LINS1: variants seen among roughly 807,000 people sequenced by gnomAD.
LINS1 encodes protein Lines homolog 1.
A neutral mutation model predicts 41.6 loss-of-function variants in LINS1; 27 were observed. That is an observed-to-expected ratio of 0.65 (90% CI 0.48 to 0.89). The LOEUF is 0.89. Among genes scored for constraint, LINS1 ranks in the 40% least tolerant of loss-of-function variants. LINS1 has a pLI of 0.00. For missense variants in LINS1, 955 were observed against 884.1 expected, an observed-to-expected ratio of 1.08 and a Z score of -1.02; for synonymous variants, 336 against 312.9, an observed-to-expected ratio of 1.07 and a Z score of -0.78.
At chr15:100,575,472 A>G (rs537294838) in intron 3 of LINS1, among the ~76,000 whole-genome samples, 2 of 152,328 alleles carry the variant, frequency 1.3e-5, no homozygotes, top group Admixed American at 1.3e-4. Context: ...AAGAAGAGCT[A>G]ACTATCCTAA....
At chr15:100,579,112 C>T (rs1027361288) in intron 3 of LINS1, among the ~76,000 whole-genome samples, 1 of 151,838 alleles carries the variant, frequency 6.6e-6, no homozygotes, top group African/African-American at 2.4e-5. Flanking sequence ...CAACATGGCA[C>T]ATGTATACAT....
chr15:100,587,170 A>AAAC (rs1395247826), intron 1 of LINS1, among the ~76,000 whole-genome samples: 1 of 148,980 alleles, frequency 6.7e-6, no homozygotes, highest in Non-Finnish European at 1.5e-5. Context: ...AAAAAAAAAA[A>AAAC]AAAAAAAAAA....
At position 100,575,009 on chromosome 15, in the gene LINS1, T is replaced by TAAA; in HGVS notation, c.608_609insTTT (p.Lys203delinsAsnLeu). The TAAA allele has an allele frequency of 6.2e-7, 1 of 1,612,930 alleles. No homozygotes were observed. The highest frequency in any genetic ancestry group is 8.5e-7 in the Non-Finnish European group (1 of 1,179,560). On this transcript the variant is annotated protein_altering_variant, in exon 4 of 7. Coordinates refer to ENST00000314742, the MANE Select transcript of LINS1 (RefSeq NM_001040616.3). ...TACCTGTTTTCTGTGAACATGAATC[T>TAAA]TTAAAGATTTCTTTTATTATTGCTG...
chr15:100,598,889 C>T (rs1596978450), intron 1 of LINS1, among the ~76,000 whole-genome samples: 1 of 152,290 alleles, frequency 6.6e-6, no homozygotes, highest in South Asian at 2.1e-4. Context: ...TCTCCACCAC[C>T]AAGTGCTTTA....
intron 3 of LINS1, among the ~76,000 whole-genome samples, chr15:100,579,619 T>C (rs761162971): frequency 1.4e-4 from 21 of 152,188 alleles, no homozygotes; most frequent in Non-Finnish European, 2.5e-4. Flanking sequence ...GAAAAGTTAT[T>C]GAAAGAAGCA....
intron 6 of LINS1, among the ~76,000 whole-genome samples, chr15:100,571,680 G>A (rs1192749622): frequency 6.6e-6 from 1 of 152,180 alleles, no homozygotes; most frequent in Non-Finnish European, 1.5e-5. Context: ...TACCAATCTA[G>A]TTATACTACC....
rs547705881 is a variant in LINS1, at chr15:100,599,839, G to C, written c.-104+2282C>G. On this transcript the variant is annotated intron_variant, in intron 1 of 6. Coordinates refer to ENST00000314742, the MANE Select transcript of LINS1 (RefSeq NM_001040616.3). ...CCAGCACTCTGGGAGGCCGAGGCGGGTGGATCACCTGAGGTCAGAGGTTCG... is the reference window on the plus strand; with the variant it reads ...CCAGCACTCTGGGAGGCCGAGGCGGCTGGATCACCTGAGGTCAGAGGTTCG... Among the ~76,000 whole-genome samples, 10 of 152,274 alleles carry C rather than the reference G, an allele frequency of 6.6e-5. No individual in the cohort carries two copies. The East Asian group carries it at 1.9e-3, about 29-fold the overall frequency.
chr15:100,600,119 T>C (rs2039415957), intron 1 of LINS1, among the ~76,000 whole-genome samples: 1 of 152,212 alleles, frequency 6.6e-6, no homozygotes, highest in South Asian at 2.1e-4. Context: ...ATGGCTTTTA[T>C]TAGCAATTTA....
At chr15:100,570,211 T>G in intron 6 of LINS1, 94 bp from the exon 7 acceptor site, 1 of 1,038,988 alleles carries the variant, frequency 9.6e-7, no homozygotes, top group Non-Finnish European at 1.4e-6. Context: ...ATTAACCTAT[T>G]AGATTACTTT....
At chr15:100,591,569 T>C (rs1265761816) in intron 1 of LINS1, among the ~76,000 whole-genome samples, 1 of 152,222 alleles carries the variant, frequency 6.6e-6, no homozygotes, top group Non-Finnish European at 1.5e-5. Context: ...ATTAAGACGT[T>C]AAGGAAACAC....
At chr15:100,571,363 C>T (rs2037813072) in intron 6 of LINS1, among the ~76,000 whole-genome samples, 2 of 152,200 alleles carry the variant, frequency 1.3e-5, no homozygotes, top group South Asian at 4.1e-4. Context: ...AGATATTAAC[C>T]CAAGTACAGC....
chr15:100,601,176 A>C (rs1472864324), intron 1 of LINS1, among the ~76,000 whole-genome samples: 1 of 152,160 alleles, frequency 6.6e-6, no homozygotes, highest in Admixed American at 6.5e-5. Context: ...TTCCTCAGAG[A>C]CCTTTCCTAT....
At chr15:100,579,761 T>C (rs191945395) in intron 3 of LINS1, among the ~76,000 whole-genome samples, 10 of 152,330 alleles carry the variant, frequency 6.6e-5, no homozygotes, top group Admixed American at 2.6e-4. Context: ...AGAATTTACA[T>C]TAAACCTGTG....
intron 6 of LINS1, 101 bp from the exon 7 acceptor site, chr15:100,570,218 C>A: frequency 1.0e-6 from 1 of 966,322 alleles, no homozygotes; most frequent in Non-Finnish European, 1.5e-6. Context: ...TATTAGATTA[C>A]TTTTAAATCT....
At chr15:100,591,355 C>G (rs1420861413) in intron 1 of LINS1, among the ~76,000 whole-genome samples, 3 of 152,190 alleles carry the variant, frequency 2.0e-5, no homozygotes, top group Non-Finnish European at 4.4e-5. Flanking sequence ...ATGAATCATG[C>G]ACTGACACCA....
chr15:100,570,445 C>CT (rs2037760524), intron 6 of LINS1: 1 of 213,352 alleles, frequency 4.7e-6, no homozygotes, highest in African/African-American at 2.3e-5. Flanking sequence ...AAACCTCCTT[C>CT]CTTACCCTCA....
chr15:100,567,746 A>G lies in LINS1; in HGVS notation c.*1492T>C, dbSNP rs2037607854. On this transcript the variant is annotated 3_prime_UTR_variant, in exon 7 of 7. Coordinates refer to ENST00000314742, the MANE Select transcript of LINS1 (RefSeq NM_001040616.3). ...ATTACGGTAGAAACTGCCTTAACGC[A>G]TAGCCTCACCGACAGCATGTTAAAA... 1 of 152,240 alleles carries G rather than the reference A, an allele frequency of 6.6e-6. No individual in the cohort carries two copies. The highest frequency in any genetic ancestry group is 1.5e-5 in the Non-Finnish European group (1 of 68,046). 9.4% of individuals were successfully genotyped at this position (152,240 alleles called of 1,614,324 possible). A position where few individuals can be genotyped will look rare whatever the true frequency, so the allele number is the denominator to read the frequency against.
Position 100,572,876 on chromosome 15 carries a change from C to T in LINS1, c.1222+775G>A, listed in dbSNP as rs186253958. 1.0e-4 allele frequency: 78 copies of T among 744,398 alleles called. No homozygotes were observed. The Admixed American group carries it at 1.4e-3, about 14-fold the overall frequency. 46.1% of individuals were successfully genotyped at this position (744,398 alleles called of 1,614,324 possible). A position where few individuals can be genotyped will look rare whatever the true frequency, so the allele number is the denominator to read the frequency against. On this transcript the variant is annotated intron_variant, in intron 5 of 6. Coordinates refer to ENST00000314742, the MANE Select transcript of LINS1 (RefSeq NM_001040616.3). ...TCAATATCTAATTTTCAATAATCTA[C>T]ATTAGTGGAAACACTAATTGTATGA...
At chr15:100,590,953 C>A (rs969375134) in intron 1 of LINS1, among the ~76,000 whole-genome samples, 1 of 152,070 alleles carries the variant, frequency 6.6e-6, no homozygotes, top group Non-Finnish European at 1.5e-5. Flanking sequence ...CCGAGGCGGG[C>A]AGATCACCTG....
Sources: allele counts gnomAD v4.1 joint callset (sites outside exome capture counted in the v4.1 genomes callset), GRCh38; gene constraint gnomAD v4.1.1; transcripts MANE v1.5; gene names NCBI Gene and HGNC (gene_info 2026-07-23, HGNC 2026-07-21).